The following TENM4 variants were observed in gnomAD, a reference collection of about 807,000 sequenced individuals.
TENM4 encodes teneurin-4.
A neutral mutation model predicts 243.3 loss-of-function variants in TENM4; 82 were observed. The observed-to-expected ratio is 0.34, with a 90% confidence interval of 0.28 to 0.40. The LOEUF is 0.40. TENM4 is among the 10% of genes least tolerant of loss of function. The pLI, the probability that TENM4 is intolerant of heterozygous loss-of-function variation, is 1.00. For missense variants in TENM4, 3,138 were observed against 3,673.3 expected, an observed-to-expected ratio of 0.85 and a Z score of 3.77; for synonymous variants, 1,412 against 1,456.3, an observed-to-expected ratio of 0.97 and a Z score of 0.69.
At chr11:78,741,027 G>A (rs1855918037) in intron 19 of TENM4, among the ~76,000 whole-genome samples, 1 of 152,198 alleles carries the variant, frequency 6.6e-6, no homozygotes, top group Admixed American at 6.5e-5. Context: ...CAGGCATTTG[G>A]CTCAGGAATT....
chr11:79,057,111 C>G (rs979799237), intron 6 of TENM4, among the ~76,000 whole-genome samples: 19 of 152,190 alleles, frequency 1.2e-4, no homozygotes, highest in Admixed American at 9.2e-4. Context: ...CACCTGTTGT[C>G]TCTCTCCTGG....
At chr11:79,075,172 C>G (rs1266886598) in intron 4 of TENM4, among the ~76,000 whole-genome samples, 2 of 152,250 alleles carry the variant, frequency 1.3e-5, no homozygotes, top group Non-Finnish European at 2.9e-5. Flanking sequence ...GAGATGATTT[C>G]ATTTAGTTCT....
At chr11:79,085,938 T>A (rs916447564) in intron 4 of TENM4, among the ~76,000 whole-genome samples, 1 of 152,188 alleles carries the variant, frequency 6.6e-6, no homozygotes, top group Non-Finnish European at 1.5e-5. Flanking sequence ...TTCTTAAACA[T>A]CTACTATGTA....
intron 3 of TENM4, among the ~76,000 whole-genome samples, chr11:79,174,406 T>C (rs1272755049): frequency 1.3e-5 from 2 of 152,186 alleles, no homozygotes; most frequent in South Asian, 2.1e-4. Context: ...AATTTTTTTT[T>C]CTTCAACCCA....
chr11:79,064,799 C>T lies in TENM4; in HGVS notation c.432G>A (p.Leu144=). ...TGAGATTGGAATTGGCCCGGCTGGA[C>T]AGGCAGGAGCTGCGCCCTGACCGTG... The part of the protein sequence containing the change: ...RSTRSGRSSC[L]SSRANSNLTL... The change falls in exon 6 of 34, where the codon CTG becomes CTA. Residue 144 remains leucine, a synonymous_variant. Coordinates refer to ENST00000278550, the MANE Select transcript of TENM4 (RefSeq NM_001098816.3). The T allele has an allele frequency of 6.4e-7, 1 of 1,551,602 alleles. No homozygotes were observed. Among genetic ancestry groups the T allele is most frequent in the Non-Finnish European group, 8.7e-7 (1 of 1,146,988 alleles).
intron 7 of TENM4, 100 bp downstream of exon 7, chr11:78,903,168 C>G (rs1855970282): frequency 1.4e-6 from 2 of 1,392,492 alleles, no homozygotes; most frequent in African/African-American, 3.1e-5. Context: ...CTCCGGCCGG[C>G]GTTATCTGGG....
intron 20 of TENM4, among the ~76,000 whole-genome samples, chr11:78,736,561 A>G (rs1590980384): frequency 6.6e-6 from 1 of 152,050 alleles, no homozygotes; most frequent in Non-Finnish European, 1.5e-5. Flanking sequence ...CGAAGAATAC[A>G]TGTCCCTGGA....
At chr11:79,350,898 C>G (rs951868061) in intron 1 of TENM4, among the ~76,000 whole-genome samples, 2 of 152,160 alleles carry the variant, frequency 1.3e-5, no homozygotes, top group Non-Finnish European at 2.9e-5. Flanking sequence ...CCTCTATGCT[C>G]TCTGAGTAAA....
chr11:78,815,184 G>C (rs1388072337), intron 12 of TENM4, among the ~76,000 whole-genome samples: 1 of 152,158 alleles, frequency 6.6e-6, no homozygotes, highest in Non-Finnish European at 1.5e-5. Flanking sequence ...TCAGAAGTTT[G>C]AGACCAGCCT....
At chr11:79,368,259 GT>G (rs2135504271) in intron 1 of TENM4, among the ~76,000 whole-genome samples, 1 of 152,312 alleles carries the variant, frequency 6.6e-6, no homozygotes, top group South Asian at 2.1e-4. Flanking sequence ...TATTTTATAT[GT>G]TTAATGAAAT....
rs535995554 is a variant in TENM4, at chr11:79,393,803, G to A, written c.-321+46706C>T. Among the ~76,000 whole-genome samples, 19 of 152,324 alleles carry A rather than the reference G, an allele frequency of 1.2e-4. No individual in the cohort carries two copies. In the South Asian group the frequency reaches 1.7e-3, roughly 13 times the overall value. On this transcript the variant is annotated intron_variant, in intron 1 of 33. Transcript: ENST00000278550. Reference sequence around the variant, plus strand: ...GTGGTGCTGCCAGAGGATGCAGTGCGTGCTACAGTCAGCAGGAGTCTGGAC... The same window carrying A: ...GTGGTGCTGCCAGAGGATGCAGTGCATGCTACAGTCAGCAGGAGTCTGGAC...
chr11:79,389,172 G>C (rs1259939191), intron 1 of TENM4, among the ~76,000 whole-genome samples: 2 of 152,056 alleles, frequency 1.3e-5, no homozygotes, highest in Non-Finnish European at 2.9e-5. Context: ...TTGTTTGTTT[G>C]TTTGAGAAGG....
chr11:79,280,058 C>A (rs1856130313), intron 2 of TENM4, among the ~76,000 whole-genome samples: 1 of 152,198 alleles, frequency 6.6e-6, no homozygotes, highest in Non-Finnish European at 1.5e-5. Context: ...ATTTTGAAAG[C>A]AGAGACCAAG....
rs1862193256 is a variant in TENM4 at position 79,138,988 on chromosome 11, ATAAATATATAAAATATATATTATATTT to A, written c.-66+9695_-66+9721del. On this transcript the variant is annotated intron_variant, in intron 4 of 33. Transcript: ENST00000278550. ...TATATAAAATATATATTATATTTCT[ATAAATATATAAAATATATATTATATTT>A]CTATAAATATATATTATATTTCTAT... Among the ~76,000 whole-genome samples the A allele has an allele frequency of 1.2e-4, 11 of 90,328 alleles. 2 individuals are homozygous for A. Among genetic ancestry groups the A allele is most frequent in the African/African-American group, 4.9e-4 (11 of 22,266 alleles). The allele number at this position is 90,328 out of a possible 152,430, so 59.3% of individuals were successfully genotyped here.
chr11:79,391,057 C>A (rs1858223036), intron 1 of TENM4, among the ~76,000 whole-genome samples: 1 of 152,112 alleles, frequency 6.6e-6, no homozygotes. Flanking sequence ...ACTCAGAAGC[C>A]AAAATGCTGG....
chr11:78,704,034 T>C (rs201047044), intron 27 of TENM4, among the ~76,000 whole-genome samples: 2,143 of 138,222 alleles, frequency 0.016, 25 homozygotes, highest in African/African-American at 0.029. Context: ...CATATATATA[T>C]ACACACACAC....
chr11:79,321,343 A>G (rs1590877786), intron 1 of TENM4, among the ~76,000 whole-genome samples: 2 of 152,182 alleles, frequency 1.3e-5, no homozygotes, highest in Admixed American at 6.5e-5. Flanking sequence ...GCAAATAAAC[A>G]GCCTCAAACG....
chr11:79,026,680 G>A (rs1272674875), intron 6 of TENM4, among the ~76,000 whole-genome samples: 1 of 152,164 alleles, frequency 6.6e-6, no homozygotes, highest in Non-Finnish European at 1.5e-5. Flanking sequence ...CCAAGAAAGG[G>A]TATTATTAGT....
intron 4 of TENM4, among the ~76,000 whole-genome samples, chr11:79,086,185 C>T (rs1431026944): frequency 1.2e-5 from 1 of 81,326 alleles, no homozygotes; most frequent in Non-Finnish European, 2.8e-5. Context: ...GAATCAGAGG[C>T]ATGAAAAACA....
Sources: gnomAD v4.1 joint callset for allele counts (sites outside exome capture counted in the v4.1 genomes callset) on GRCh38, gnomAD v4.1.1 for gene constraint, MANE v1.5 for transcripts, NCBI Gene and HGNC (gene_info 2026-07-23, HGNC 2026-07-21) for gene names.